Variants in ZNF385D observed in about 807,000 individuals in gnomAD.
ZNF385D encodes the protein zinc finger protein 385D.
A neutral mutation model predicts 35.8 loss-of-function variants in ZNF385D; 15 were observed. The observed-to-expected ratio is 0.42, with a 90% CI of 0.28 to 0.64. ZNF385D has a LOEUF of 0.64. Ranked by LOEUF, ZNF385D falls within the 30% of genes least tolerant of loss-of-function variation. ZNF385D has a pLI of 0.23. For missense variants in ZNF385D, 474 were observed against 494.6 expected, an observed-to-expected ratio of 0.96 and a Z score of 0.39; for synonymous variants, 212 against 186.8, an observed-to-expected ratio of 1.13 and a Z score of -1.10.
At chr3:22,367,927 A>G (rs1171668454) in intron 2 of ZNF385D, among the ~76,000 whole-genome samples, 1 of 152,186 alleles carries the variant, frequency 6.6e-6, no homozygotes, top group African/African-American at 2.4e-5. Flanking sequence ...TTTTATTCTC[A>G]TGGGGACAAA....
At chr3:21,560,787 G>T (rs1005614124) in intron 3 of ZNF385D, among the ~76,000 whole-genome samples, 7 of 152,272 alleles carry the variant, frequency 4.6e-5, no homozygotes, top group Admixed American at 3.9e-4. Context: ...GGAGTTGGGG[G>T]TATTATCTAT....
chr3:21,684,365 CCTCTCTCTCTCTCTCTCTCTCTCT>C lies in ZNF385D; in HGVS notation c.23-19361_23-19338del, dbSNP rs373105142. On this transcript the variant is annotated intron_variant, in intron 1 of 7. Transcript: ENST00000281523. Reference sequence around the variant, plus strand: ...AAAGCCATAAATGGTTAACTGTTCTCCTCTCTCTCTCTCTCTCTCTCTCTCTCTCTCTCTCTCTCCTCTCTCTCT... The same window carrying C: ...AAAGCCATAAATGGTTAACTGTTCTCCTCTCTCTCTCTCTCCTCTCTCTCT... Among the ~76,000 whole-genome samples the C allele has an allele frequency of 8.2e-5, 6 of 73,334 alleles. 1 individual carries two copies. Among genetic ancestry groups the C allele is most frequent in the Middle Eastern group, 0.011 (1 of 94 alleles). 48.1% of individuals were successfully genotyped at this position (73,334 alleles called of 152,430 possible).
chr3:21,803,159 T>C (rs890925554), intron 3 of ZNF385D, among the ~76,000 whole-genome samples: 2 of 152,164 alleles, frequency 1.3e-5, no homozygotes, highest in African/African-American at 2.4e-5. Flanking sequence ...CAGCTCTCTG[T>C]ATCTGTCAGT....
At chr3:21,715,755 T>C (rs2068294485) in intron 1 of ZNF385D, among the ~76,000 whole-genome samples, 1 of 152,120 alleles carries the variant, frequency 6.6e-6, no homozygotes, top group African/African-American at 2.4e-5. Context: ...TCTTTGGCAA[T>C]CTCTTCCAAT....
chr3:21,885,821 C>A (rs922827178), intron 3 of ZNF385D, among the ~76,000 whole-genome samples: 1 of 151,110 alleles, frequency 6.6e-6, no homozygotes, highest in African/African-American at 2.4e-5. Context: ...TTGGCTCACA[C>A]AACTGTGAAG....
chr3:21,794,156 A>G (rs1470477953), intron 3 of ZNF385D, among the ~76,000 whole-genome samples: 1 of 152,118 alleles, frequency 6.6e-6, no homozygotes, highest in Non-Finnish European at 1.5e-5. Context: ...TGACCAAGGA[A>G]GGCACCTGAT....
chr3:21,652,301 A>G (rs1200548565), intron 2 of ZNF385D, among the ~76,000 whole-genome samples: 1 of 152,152 alleles, frequency 6.6e-6, no homozygotes, highest in Non-Finnish European at 1.5e-5. Flanking sequence ...AAGCCAAATT[A>G]TAACTGTAAC....
At chr3:21,854,106 A>T (rs1363766966) in intron 3 of ZNF385D, among the ~76,000 whole-genome samples, 1 of 151,908 alleles carries the variant, frequency 6.6e-6, no homozygotes, top group Non-Finnish European at 1.5e-5. Flanking sequence ...AACAAGAAAG[A>T]TAGTACTGCT....
chr3:21,701,075 G>T (rs1472290251), intron 1 of ZNF385D, among the ~76,000 whole-genome samples: 1 of 152,130 alleles, frequency 6.6e-6, no homozygotes, highest in Admixed American at 6.5e-5. Flanking sequence ...ATGAGTATAA[G>T]TTGGGAGGTA....
intron 2 of ZNF385D, among the ~76,000 whole-genome samples, chr3:22,191,082 T>A (rs1019093821): frequency 9.9e-5 from 15 of 152,250 alleles, no homozygotes; most frequent in East Asian, 5.8e-4. Context: ...GAATTATTTT[T>A]AAAAAAATAA....
At chr3:22,355,629 A>AG (rs1486020548) in intron 2 of ZNF385D, among the ~76,000 whole-genome samples, 1 of 151,976 alleles carries the variant, frequency 6.6e-6, no homozygotes, top group Non-Finnish European at 1.5e-5. Context: ...GGCCAATGTT[A>AG]GCAAGATGAT....
chr3:21,756,705 G>C (rs994785848), intron 3 of ZNF385D, among the ~76,000 whole-genome samples: 1 of 152,190 alleles, frequency 6.6e-6, no homozygotes, highest in South Asian at 2.1e-4. Context: ...AATATTTGTT[G>C]AAAGTATAAT....
At chr3:21,925,221 G>A (rs1231639376) in intron 3 of ZNF385D, among the ~76,000 whole-genome samples, 1 of 152,180 alleles carries the variant, frequency 6.6e-6, no homozygotes, top group South Asian at 2.1e-4. Flanking sequence ...AAAGTGGGAG[G>A]AACAGGTTTA....
chr3:21,898,453 A>T lies in ZNF385D; in HGVS notation c.326-233425T>A, dbSNP rs73820176. On this transcript the variant is annotated intron_variant, in intron 3 of 5. Transcript: ENST00000494108. ...ATAAGAAAATGTTGTTCATGCAGAAACTACTTCCAGATTTTTTTCTATGTA... is the reference window on the plus strand; with the variant it reads ...ATAAGAAAATGTTGTTCATGCAGAATCTACTTCCAGATTTTTTTCTATGTA... 6.8e-3 allele frequency among the ~76,000 whole-genome samples: 1,030 copies of T among 152,240 alleles called. 11 individuals carry two copies. The highest frequency in any genetic ancestry group is 0.024 in the African/African-American group (977 of 41,556).
intron 3 of ZNF385D, among the ~76,000 whole-genome samples, chr3:22,140,253 G>A (rs1299767121): frequency 6.6e-6 from 1 of 152,112 alleles, no homozygotes; most frequent in East Asian, 1.9e-4. Flanking sequence ...GCAATAAAAA[G>A]GAACAGATTA....
intron 3 of ZNF385D, among the ~76,000 whole-genome samples, chr3:22,109,078 A>G (rs914824057): frequency 6.6e-6 from 1 of 152,124 alleles, no homozygotes; most frequent in African/African-American, 2.4e-5. Flanking sequence ...CATAGTAATT[A>G]TTTGTCTCCA....
At chr3:21,970,692 T>C (rs1703193286) in intron 3 of ZNF385D, among the ~76,000 whole-genome samples, 1 of 151,684 alleles carries the variant, frequency 6.6e-6, no homozygotes, top group African/African-American at 2.4e-5. Context: ...GAGAAAAACA[T>C]CAATATCTAA....
Position 22,020,278 on chromosome 3 carries a change from C to T in ZNF385D, c.325+148539G>A, listed in dbSNP as rs78905434. Among the ~76,000 whole-genome samples the T allele has an allele frequency of 5.6e-3, 843 of 151,836 alleles. 7 individuals carry two copies. The highest frequency in any genetic ancestry group is 0.019 in the African/African-American group (772 of 41,442). On this transcript the variant is annotated intron_variant, in intron 3 of 5. Transcript: ENST00000494108. ...AGCAAGGTCTCTACAGAAAGGACACCCAGGCAGGAGTGGAAATGCTGCATG... is the reference window on the plus strand; with the variant it reads ...AGCAAGGTCTCTACAGAAAGGACACTCAGGCAGGAGTGGAAATGCTGCATG...
chr3:21,734,783 T>C (rs1240815873), intron 1 of ZNF385D, among the ~76,000 whole-genome samples: 2 of 152,188 alleles, frequency 1.3e-5, no homozygotes, highest in Non-Finnish European at 2.9e-5. Flanking sequence ...TGTCTCTGTG[T>C]TGTGGGATTA....
Sources: allele counts gnomAD v4.1 joint callset (sites outside exome capture counted in the v4.1 genomes callset), GRCh38; gene constraint gnomAD v4.1.1; transcripts MANE v1.5; gene names NCBI Gene and HGNC (gene_info 2026-07-23, HGNC 2026-07-21).